LHFPL2: variants seen among roughly 807,000 people sequenced by gnomAD.
LHFPL2 encodes the protein LHFPL tetraspan subfamily member 2, also known as LHFPL tetraspan subfamily member 2 protein.
Under a neutral mutation model 17.5 loss-of-function variants are expected in LHFPL2, and 7 were observed. That is an observed-to-expected ratio of 0.40 (90% CI 0.23 to 0.75). The LOEUF is 0.75. Ranked by LOEUF, LHFPL2 falls within the 30% of genes least tolerant of loss-of-function variation. The pLI, the probability that LHFPL2 is intolerant of heterozygous loss-of-function variation, is 0.37. For synonymous variants in LHFPL2, 134 were observed against 116.2 expected, an observed-to-expected ratio of 1.15 and a Z score of -0.99; for missense variants, 241 against 294.8, an observed-to-expected ratio of 0.82 and a Z score of 1.34.
At chr5:78,521,995 T>C (rs1045064512) in intron 3 of LHFPL2, among the ~76,000 whole-genome samples, 3 of 152,314 alleles carry the variant, frequency 2.0e-5, no homozygotes, top group South Asian at 2.1e-4. Flanking sequence ...ACAGACCTGA[T>C]GGATTTCTGA....
rs1458990619 is a variant in LHFPL2 at position 78,609,474 on chromosome 5, AAAG to A, written c.-245+22787_-245+22789del. On this transcript the variant is annotated intron_variant, in intron 2 of 4. Coordinates refer to ENST00000380345, the MANE Select transcript of LHFPL2 (RefSeq NM_005779.3). The stretch of plus-strand genomic sequence containing the variant: ...TCAAAAAAAAAAAAAAAAAAAAAAA[AAAG>A]AGAGAGAGCTTGCTTAAGTAAATTA... 2.3e-4 allele frequency among the ~76,000 whole-genome samples: 33 copies of A among 144,850 alleles called. 1 individual carries two copies. Among genetic ancestry groups the A allele is most frequent in the African/African-American group, 9.3e-4 (33 of 35,316 alleles).
chr5:78,633,713 T>G (rs1745330799), intron 1 of LHFPL2, among the ~76,000 whole-genome samples: 1 of 152,238 alleles, frequency 6.6e-6, no homozygotes, highest in East Asian at 1.9e-4. Context: ...TGTGGACCAA[T>G]GGGGTAGGGG....
At chr5:78,645,839 C>A (rs916316066) in intron 1 of LHFPL2, among the ~76,000 whole-genome samples, 1 of 152,154 alleles carries the variant, frequency 6.6e-6, no homozygotes, top group African/African-American at 2.4e-5. Flanking sequence ...CCTCAGCCCC[C>A]CAAAGTGCTG....
At chr5:78,533,771 G>A (rs1755857393) in intron 3 of LHFPL2, among the ~76,000 whole-genome samples, 1 of 152,182 alleles carries the variant, frequency 6.6e-6, no homozygotes, top group Admixed American at 6.5e-5. Context: ...TGAAATTGTT[G>A]CTTTTCATTC....
intron 2 of LHFPL2, among the ~76,000 whole-genome samples, chr5:78,571,609 AAC>A (rs1487542115): frequency 2.0e-5 from 3 of 152,200 alleles, no homozygotes; most frequent in African/African-American, 7.2e-5. Context: ...GGGAAGGACT[AAC>A]AGAGGGTGAG....
At chr5:78,615,214 G>A (rs2112491198) in intron 2 of LHFPL2, among the ~76,000 whole-genome samples, 1 of 152,270 alleles carries the variant, frequency 6.6e-6, no homozygotes, top group African/African-American at 2.4e-5. Flanking sequence ...TGTGGGGAAG[G>A]GAGAGAGGAG....
intron 2 of LHFPL2, among the ~76,000 whole-genome samples, chr5:78,622,746 T>C (rs141490623): frequency 5.0e-4 from 76 of 152,350 alleles, no homozygotes; most frequent in Non-Finnish European, 1.0e-3. Flanking sequence ...CTTGTGTATT[T>C]AATCATTAAC....
chr5:78,544,752 T>TAC (rs34278546), intron 3 of LHFPL2, among the ~76,000 whole-genome samples: 4,426 of 148,972 alleles, frequency 0.03, 158 homozygotes, highest in African/African-American at 0.086. Context: ...GCCATCTTCT[T>TAC]ACACACACAC....
chr5:78,563,741 AATGATTAGCCTGCTCAGG>A (rs1176090553), intron 3 of LHFPL2, among the ~76,000 whole-genome samples: 2 of 151,832 alleles, frequency 1.3e-5, no homozygotes, highest in Non-Finnish European at 2.9e-5. Flanking sequence ...ATAAGGTGCC[AATGATTAGCCTGCTCAGG>A]ACACCATCTG....
At chr5:78,617,572 T>C (rs960090178) in intron 2 of LHFPL2, among the ~76,000 whole-genome samples, 7 of 152,032 alleles carry the variant, frequency 4.6e-5, no homozygotes, top group African/African-American at 1.7e-4. Context: ...GGTGCTTCCC[T>C]AAAAGGTGCT....
intron 2 of LHFPL2, chr5:78,625,025 T>A (rs1196514301): frequency 6.6e-6 from 1 of 152,036 alleles, no homozygotes; most frequent in African/African-American, 2.4e-5. Context: ...ACTACCCTGG[T>A]TTTCTAAGTG....
intron 3 of LHFPL2, among the ~76,000 whole-genome samples, chr5:78,557,905 T>C (rs1269628510): frequency 6.6e-6 from 1 of 152,222 alleles, no homozygotes; most frequent in Non-Finnish European, 1.5e-5. Context: ...GACCATTGTA[T>C]GACTAACGGT....
chr5:78,544,196 G>A (rs1183555710), intron 3 of LHFPL2, among the ~76,000 whole-genome samples: 1 of 152,194 alleles, frequency 6.6e-6, no homozygotes, highest in Non-Finnish European at 1.5e-5. Flanking sequence ...CCCAACCTGT[G>A]AGAACTTCAA....
chr5:78,494,388 T>C, intron 4 of LHFPL2: 1 of 985,398 alleles, frequency 1.0e-6, no homozygotes, highest in South Asian at 4.7e-5. Flanking sequence ...CTTGACAGAA[T>C]GGTGCCCTAG....
chr5:78,608,557 T>C lies in LHFPL2; in HGVS notation c.-245+23707A>G, dbSNP rs1014193200. 2.6e-4 allele frequency among the ~76,000 whole-genome samples: 39 copies of C among 150,756 alleles called. No homozygotes were observed. In the Admixed American group the frequency reaches 2.6e-3, roughly 10 times the overall value. Reference sequence around the variant, plus strand: ...AAGCTTCAACATTCATCATTAAACTTCTCCCTAATTAGCGATCTAAATTCT... The same window carrying C: ...AAGCTTCAACATTCATCATTAAACTCCTCCCTAATTAGCGATCTAAATTCT... On this transcript the variant is annotated intron_variant, in intron 2 of 4. Transcript: ENST00000380345.
chr5:78,531,288 G>A (rs544918769), intron 3 of LHFPL2, among the ~76,000 whole-genome samples: 1 of 152,208 alleles, frequency 6.6e-6, no homozygotes, highest in Non-Finnish European at 1.5e-5. Flanking sequence ...GGTGGTGCAT[G>A]CCAGTAATCC....
chr5:78,537,012 T>G (rs764192311), intron 3 of LHFPL2, among the ~76,000 whole-genome samples: 2 of 152,222 alleles, frequency 1.3e-5, no homozygotes, highest in Non-Finnish European at 2.9e-5. Context: ...ACCAGCAGCG[T>G]TGGTGGCACC....
At chr5:78,618,994 T>G (rs1744729055) in intron 2 of LHFPL2, among the ~76,000 whole-genome samples, 1 of 152,144 alleles carries the variant, frequency 6.6e-6, no homozygotes, top group African/African-American at 2.4e-5. Flanking sequence ...ATATCTGAAC[T>G]GACAAGGCCA....
intron 2 of LHFPL2, among the ~76,000 whole-genome samples, chr5:78,584,111 C>T (rs1293291399): frequency 3.7e-4 from 56 of 150,434 alleles, no homozygotes; most frequent in Middle Eastern, 3.5e-3. Flanking sequence ...ACGTAGTTCT[C>T]GAGCCTTGGT....
Sources: allele counts gnomAD v4.1 joint callset (sites outside exome capture counted in the v4.1 genomes callset), GRCh38; gene constraint gnomAD v4.1.1; transcripts MANE v1.5; gene names NCBI Gene and HGNC (gene_info 2026-07-23, HGNC 2026-07-21).